The following DEPDC4 variants were observed in gnomAD, a reference collection of about 807,000 sequenced individuals.
DEPDC4 encodes DEP domain containing 4, also known as DEP domain-containing protein 4.
Under a neutral mutation model 52.0 loss-of-function variants are expected in DEPDC4, and 52 were observed. The observed-to-expected ratio is 1.00, with a 90% confidence interval of 0.80 to 1.26. The LOEUF (loss-of-function observed/expected upper bound fraction) is 1.26. DEPDC4 is among the 50% of genes most tolerant of loss of function. The pLI, the probability that DEPDC4 is intolerant of heterozygous loss-of-function variation, is 0.00. For missense variants in DEPDC4, 530 were observed against 546.9 expected, an observed-to-expected ratio of 0.97 and a Z score of 0.31; for synonymous variants, 201 against 196.8, an observed-to-expected ratio of 1.02 and a Z score of -0.18.
intron 8 of DEPDC4, among the ~76,000 whole-genome samples, chr12:100,244,643 G>C (rs1318175181): frequency 1.3e-5 from 2 of 150,926 alleles, no homozygotes; most frequent in Non-Finnish European, 2.9e-5. Context: ...TTCTATTTTT[G>C]TAGGGATGGG....
In DEPDC4 at chr12:100,266,954, G is replaced by A. The variant is rs372150402; in HGVS notation, c.123C>T (p.Asn41=). 409 of 1,613,778 alleles carry A rather than the reference G, an allele frequency of 2.5e-4. No homozygotes were observed. Among genetic ancestry groups the A allele is most frequent in the Non-Finnish European group, 3.3e-4 (391 of 1,179,902 alleles). Residue 41 remains asparagine, a synonymous_variant, in exon 1 of 10, where the codon AAC becomes AAT. Coordinates refer to ENST00000550587, the MANE Select transcript of DEPDC4 (RefSeq NM_001364818.2). ...TTTTCCGGCAGAAGCCATCTCTACG[G>A]TTCCTGGAACTTGGCCCGTTCAGCC... The part of the protein sequence containing the change: ...GPGLNGPSSR[N]RRDGFCRKRR...
intron 7 of DEPDC4, 103 bp downstream of exon 7, chr12:100,252,073 A>C (rs183987104): frequency 2.8e-5 from 28 of 1,007,616 alleles, no homozygotes; most frequent in Non-Finnish European, 3.4e-5. Context: ...AACTTTGCAC[A>C]TTATAGGTAC....
the DEPDC4 span, among the ~76,000 whole-genome samples, chr12:100,278,934 A>G: frequency 6.6e-6 from 1 of 152,036 alleles, no homozygotes; most frequent in Non-Finnish European, 1.5e-5. Flanking sequence ...GGCCAGTCTG[A>G]GGAAATTCTT....
chr12:100,256,211 T>C lies in DEPDC4; in HGVS notation c.716A>G (p.Gln239Arg), dbSNP rs756867007. ...RLSKEDVWKE[Q>R]TLLCLLQLIH... ...CAATTGAAGAAGACATAATAATGTT[T>C]GTTCTTTCCAAACATCTTGAAAAGG... The change falls in exon 4 of 10, where the codon CAA becomes CGA. Residue 239 changes from glutamine (Q) to arginine (R), a missense_variant. Coordinates refer to ENST00000550587, the MANE Select transcript of DEPDC4 (RefSeq NM_001364818.2). 4 of 1,610,756 alleles carry C rather than the reference T, an allele frequency of 2.5e-6. No homozygotes were observed. The Admixed American group carries it at 5.0e-5, about 20-fold the overall frequency.
rs145089662 is a variant in DEPDC4 at position 100,256,888 on chromosome 12, G to A, written c.701-662C>T. The stretch of plus-strand genomic sequence containing the variant: ...GATCTCCTGACCTAGTGATCCGCCC[G>A]CCTCGGCCTCCCAAAGTGCTGGGAT... On this transcript the variant is annotated intron_variant, in intron 3 of 9. Transcript: ENST00000550587. Among the ~76,000 whole-genome samples the A allele has an allele frequency of 3.1e-4, 47 of 151,946 alleles. No homozygotes were observed. In the East Asian group the frequency reaches 6.2e-3, roughly 20 times the overall value.
intron 3 of DEPDC4, among the ~76,000 whole-genome samples, chr12:100,261,505 C>G (rs1326340501): frequency 6.6e-6 from 1 of 152,114 alleles, no homozygotes; most frequent in Admixed American, 6.6e-5. Context: ...GGTAGTTTAG[C>G]TAGTTTGTTC....
chr12:100,246,807 G>A (rs1310998178), intron 8 of DEPDC4, among the ~76,000 whole-genome samples: 1 of 152,036 alleles, frequency 6.6e-6, no homozygotes, highest in Non-Finnish European at 1.5e-5. Context: ...GCGTGGTGGT[G>A]CTTGCCTGTA....
downstream of DEPDC4, chr12:100,238,058 G>A (rs1194779995): frequency 2.9e-5 from 29 of 983,506 alleles, no homozygotes; most frequent in East Asian, 1.1e-4. Flanking sequence ...ATATTTTCCC[G>A]GTATCTCTTC....
downstream of DEPDC4, among the ~76,000 whole-genome samples, chr12:100,239,645 A>C (rs917061948): frequency 5.3e-5 from 8 of 151,944 alleles, no homozygotes; most frequent in African/African-American, 1.9e-4. Context: ...TTGGCATCCC[A>C]ATGTGCTGGG....
upstream of DEPDC4, chr12:100,267,138 G>A: frequency 1.3e-6 from 2 of 1,557,914 alleles, no homozygotes; most frequent in Non-Finnish European, 1.7e-6. Context: ...TTCCGAACCG[G>A]CAGGAAGTGA....
the DEPDC4 span, among the ~76,000 whole-genome samples, chr12:100,276,381 A>G: frequency 6.6e-6 from 1 of 151,978 alleles, no homozygotes. Flanking sequence ...CACGCAGGCC[A>G]GAGGAGAGTG....
intron 1 of DEPDC4, 116 bp downstream of exon 1, chr12:100,266,804 G>A: frequency 1.5e-6 from 2 of 1,352,726 alleles, no homozygotes; most frequent in South Asian, 3.0e-5. Flanking sequence ...GGAAGGGGGC[G>A]GGGCTAGGAA....
At chr12:100,235,429 C>A (rs2096139891), downstream of DEPDC4, among the ~76,000 whole-genome samples, 5 of 149,870 alleles carry the variant, frequency 3.3e-5, no homozygotes, top group South Asian at 1.1e-3. Context: ...TATTTGGTTA[C>A]ATGAATAAGC....
chr12:100,261,110 G>A (rs2153921819), intron 3 of DEPDC4, among the ~76,000 whole-genome samples: 1 of 151,966 alleles, frequency 6.6e-6, no homozygotes, highest in East Asian at 1.9e-4. Context: ...GAACCTGGGA[G>A]GCAGAGGTTG....
downstream of DEPDC4, among the ~76,000 whole-genome samples, chr12:100,239,942 T>C (rs991353309): frequency 6.6e-6 from 1 of 152,016 alleles, no homozygotes; most frequent in African/African-American, 2.4e-5. Flanking sequence ...GCCTCTCAAA[T>C]AGTTGGGACT....
chr12:100,255,957 A>G, intron 4 of DEPDC4, 92 bp downstream of exon 4: 3 of 886,590 alleles, frequency 3.4e-6, no homozygotes, highest in Non-Finnish European at 5.2e-6. Flanking sequence ...TAAGCTTATA[A>G]CATGAATATT....
chr12:100,252,904 G>T (rs1290336718), intron 5 of DEPDC4, among the ~76,000 whole-genome samples: 1 of 152,088 alleles, frequency 6.6e-6, no homozygotes, highest in Non-Finnish European at 1.5e-5. Flanking sequence ...TTAAATCCTT[G>T]TACTATAACA....
At chr12:100,243,256 AAAAT>A (rs1387240254) in intron 8 of DEPDC4, among the ~76,000 whole-genome samples, 1 of 152,150 alleles carries the variant, frequency 6.6e-6, no homozygotes, top group Non-Finnish European at 1.5e-5. Context: ...GTGTTGAAAA[AAAAT>A]ACCGTCTAAT....
chr12:100,273,704 T>C, the DEPDC4 span, among the ~76,000 whole-genome samples: 2 of 152,228 alleles, frequency 1.3e-5, no homozygotes, highest in Non-Finnish European at 2.9e-5. Flanking sequence ...TCTTGGCACG[T>C]GGTATTATAA....
Sources: gnomAD v4.1 joint callset for allele counts (sites outside exome capture counted in the v4.1 genomes callset) on GRCh38, gnomAD v4.1.1 for gene constraint, MANE v1.5 for transcripts, NCBI Gene and HGNC (gene_info 2026-07-23, HGNC 2026-07-21) for gene names.